Variants in UBE2K observed in about 807,000 individuals in gnomAD.
UBE2K encodes the protein ubiquitin conjugating enzyme E2 K.
Under a neutral mutation model 30.0 loss-of-function variants are expected in UBE2K, and 6 were observed. That is an observed-to-expected ratio of 0.20 (90% CI 0.11 to 0.39). The LOEUF (loss-of-function observed/expected upper bound fraction) is 0.39. UBE2K is among the 10% of genes least tolerant of loss of function. The pLI is 1.00. For missense variants in UBE2K, 61 were observed against 241.6 expected (o/e 0.25, Z 4.96); for synonymous variants, 86 against 83.7 (o/e 1.03, Z -0.15).
chr4:39,730,000 G>A (rs1359066735), intron 1 of UBE2K, among the ~76,000 whole-genome samples: 1 of 152,146 alleles, frequency 6.6e-6, no homozygotes, highest in African/African-American at 2.4e-5. Flanking sequence ...TAGTTCTTCA[G>A]TACCTTAGAA....
At chr4:39,706,252 G>A (rs375085776) in intron 1 of UBE2K, among the ~76,000 whole-genome samples, 3 of 151,860 alleles carry the variant, frequency 2.0e-5, no homozygotes, top group African/African-American at 7.3e-5. Context: ...TCCTGACCTC[G>A]TGATCTGCCT....
At chr4:39,718,329 T>C (rs1719220500) in intron 1 of UBE2K, among the ~76,000 whole-genome samples, 1 of 152,224 alleles carries the variant, frequency 6.6e-6, no homozygotes, top group Non-Finnish European at 1.5e-5. Context: ...CACAGAGTGC[T>C]GATTGGTGCA....
At chr4:39,736,630 A>G (rs1159536400) in intron 1 of UBE2K, among the ~76,000 whole-genome samples, 1 of 152,224 alleles carries the variant, frequency 6.6e-6, no homozygotes, top group East Asian at 1.9e-4. Context: ...GAATCATTTA[A>G]GGTTATCATG....
chr4:39,722,721 G>C (rs1719493443), intron 1 of UBE2K, among the ~76,000 whole-genome samples: 1 of 151,950 alleles, frequency 6.6e-6, no homozygotes, highest in South Asian at 2.1e-4. Flanking sequence ...ACAGCAGCCC[G>C]TGTGGGATTT....
At chr4:39,754,082 T>G (rs996406062) in intron 3 of UBE2K, among the ~76,000 whole-genome samples, 1 of 152,214 alleles carries the variant, frequency 6.6e-6, no homozygotes, top group African/African-American at 2.4e-5. Flanking sequence ...AGGTCATTAA[T>G]GGTCCTTAAA....
intron 1 of UBE2K, among the ~76,000 whole-genome samples, chr4:39,707,129 C>G (rs1718410748): frequency 6.6e-6 from 1 of 151,922 alleles, no homozygotes; most frequent in Non-Finnish European, 1.5e-5. Context: ...AGGCTGGTCT[C>G]ACACTCCTGA....
At chr4:39,773,240 C>T (rs1440672180) in intron 4 of UBE2K, among the ~76,000 whole-genome samples, 4 of 151,350 alleles carry the variant, frequency 2.6e-5, no homozygotes, top group East Asian at 4.0e-4. Context: ...GAGGCCAAGG[C>T]GGGCGGATCA....
At chr4:39,737,663 T>TA (rs1164846390) in intron 2 of UBE2K, 150 bp downstream of exon 2, 1 of 542,264 alleles carries the variant, frequency 1.8e-6, no homozygotes, top group Non-Finnish European at 3.1e-6. Flanking sequence ...TAAATTTAGA[T>TA]ACTGAATATA....
intron 4 of UBE2K, among the ~76,000 whole-genome samples, chr4:39,758,669 C>A (rs1711655472): frequency 6.6e-6 from 1 of 151,402 alleles, no homozygotes; most frequent in Admixed American, 6.6e-5. Flanking sequence ...CGGAGTGAGA[C>A]CCCATCTCAA....
chr4:39,766,586 T>C (rs1712354427), intron 4 of UBE2K, among the ~76,000 whole-genome samples: 1 of 152,070 alleles, frequency 6.6e-6, no homozygotes, highest in African/African-American at 2.4e-5. Context: ...AGAAGTTTTT[T>C]TGTTTTAAGT....
intron 1 of UBE2K, among the ~76,000 whole-genome samples, chr4:39,728,647 T>C (rs538684885): frequency 4.0e-5 from 6 of 151,862 alleles, no homozygotes; most frequent in Non-Finnish European, 8.8e-5. Context: ...TTTTTCTTTT[T>C]TTTCTTTTGA....
intron 2 of UBE2K, among the ~76,000 whole-genome samples, chr4:39,738,662 GT>G (rs1274059212): frequency 6.6e-6 from 1 of 151,972 alleles, no homozygotes; most frequent in Non-Finnish European, 1.5e-5. Context: ...CTTTGTGTGT[GT>G]TTTTTGTTGT....
At chr4:39,735,008 A>T (rs1720297778) in intron 1 of UBE2K, among the ~76,000 whole-genome samples, 1 of 152,096 alleles carries the variant, frequency 6.6e-6, no homozygotes, top group Non-Finnish European at 1.5e-5. Context: ...TTTACATACT[A>T]CTTTTTGGAG....
At chr4:39,759,177 A>G (rs958708479) in intron 4 of UBE2K, among the ~76,000 whole-genome samples, 7 of 152,238 alleles carry the variant, frequency 4.6e-5, no homozygotes, top group Admixed American at 2.0e-4. Flanking sequence ...TTCAGCAGGC[A>G]TACTAGAAAA....
Position 39,771,001 on chromosome 4 carries a change from C to T in UBE2K, c.300-3833C>T, listed in dbSNP as rs1353394438. 2.5e-6 allele frequency: 4 copies of T among 1,610,114 alleles called. No homozygotes were observed. In the African/African-American group the frequency reaches 5.3e-5, roughly 22 times the overall value. ...GAGGAGGGACTTGTTGGCGCTGACG[C>T]TGCTCACAAGGCTAGCCTCACGGAC... On this transcript the variant is annotated intron_variant, in intron 4 of 6. Coordinates refer to ENST00000261427, the MANE Select transcript of UBE2K (RefSeq NM_005339.5).
At chr4:39,756,105 T>C (rs1721504114) in intron 4 of UBE2K, among the ~76,000 whole-genome samples, 1 of 152,222 alleles carries the variant, frequency 6.6e-6, no homozygotes. Context: ...GTTACAAAAT[T>C]GTTGCAGGTT....
chr4:39,707,903 AT>A (rs56012919), intron 1 of UBE2K, among the ~76,000 whole-genome samples: 1 of 149,776 alleles, frequency 6.7e-6, no homozygotes, highest in Non-Finnish European at 1.5e-5. Flanking sequence ...TAATATTGCA[AT>A]TTTTTTTTTC....
At chr4:39,711,759 C>T (rs541208269) in intron 1 of UBE2K, among the ~76,000 whole-genome samples, 13 of 151,746 alleles carry the variant, frequency 8.6e-5, no homozygotes, top group South Asian at 2.1e-4. Context: ...GAGTTCTGCC[C>T]GGGAGAGGTG....
At chr4:39,752,370 T>C (rs1231039699) in intron 3 of UBE2K, among the ~76,000 whole-genome samples, 1 of 139,160 alleles carries the variant, frequency 7.2e-6, no homozygotes, top group Non-Finnish European at 1.5e-5. Flanking sequence ...GGCGTCTGGC[T>C]CTGTCGCCCA....
Sources: gnomAD v4.1 joint callset for allele counts (sites outside exome capture counted in the v4.1 genomes callset) on GRCh38, gnomAD v4.1.1 for gene constraint, MANE v1.5 for transcripts, NCBI Gene and HGNC (gene_info 2026-07-23, HGNC 2026-07-21) for gene names.